KCND2: variants seen among roughly 807,000 people sequenced by gnomAD.
The protein encoded by KCND2 is potassium voltage-gated channel subfamily D member 2.
In KCND2, 16 loss-of-function variants were observed where a neutral mutation model predicts 54.4. The observed-to-expected ratio is 0.29, with a 90% confidence interval of 0.20 to 0.45. KCND2 has a LOEUF of 0.45. Ranked by LOEUF, KCND2 falls within the 20% of genes least tolerant of loss-of-function variation. KCND2 has a pLI of 1.00. For synonymous variants in KCND2, 317 were observed against 310.7 expected (o/e 1.02, Z -0.21); for missense variants, 486 against 824.2 (o/e 0.59, Z 5.02).
At chr7:120,615,962 T>C (rs905064861) in intron 1 of KCND2, among the ~76,000 whole-genome samples, 14 of 152,216 alleles carry the variant, frequency 9.2e-5, no homozygotes, top group African/African-American at 3.4e-4. Flanking sequence ...GGTTTTGAAA[T>C]GTCCCTCAGC....
chr7:120,729,642 C>T (rs1792780394), intron 1 of KCND2, among the ~76,000 whole-genome samples: 1 of 152,194 alleles, frequency 6.6e-6, no homozygotes, highest in Non-Finnish European at 1.5e-5. Context: ...AACTCTGTGT[C>T]TCTACCCAAG....
At chr7:120,288,323 CT>C (rs1799378917) in intron 1 of KCND2, among the ~76,000 whole-genome samples, 8 of 152,028 alleles carry the variant, frequency 5.3e-5, no homozygotes. Context: ...GTTTTTTCTC[CT>C]TTTACTCTTT....
chr7:120,474,627 G>A (rs1802507896), intron 1 of KCND2, among the ~76,000 whole-genome samples: 1 of 151,416 alleles, frequency 6.6e-6, no homozygotes. Context: ...GCCTCCCAAA[G>A]TGCTGGGATT....
chr7:120,399,667 C>A (rs992436457), intron 1 of KCND2, among the ~76,000 whole-genome samples: 1 of 151,494 alleles, frequency 6.6e-6, no homozygotes. Flanking sequence ...ATATATTTAT[C>A]CAATAATTTA....
intron 1 of KCND2, among the ~76,000 whole-genome samples, chr7:120,295,743 C>A (rs906958436): frequency 4.0e-5 from 6 of 151,888 alleles, no homozygotes; most frequent in Non-Finnish European, 8.8e-5. Context: ...CTAATTTATG[C>A]CTTACAGAAA....
intron 1 of KCND2, among the ~76,000 whole-genome samples, chr7:120,307,878 A>G (rs1328883423): frequency 3.3e-5 from 5 of 152,166 alleles, no homozygotes; most frequent in African/African-American, 9.6e-5. Flanking sequence ...TATTGAACAG[A>G]TAATAGGAAA....
chr7:120,426,443 T>A (rs1156553820), intron 1 of KCND2, among the ~76,000 whole-genome samples: 1 of 152,170 alleles, frequency 6.6e-6, no homozygotes, highest in South Asian at 2.1e-4. Context: ...TAATTTGGAT[T>A]TGACTCTTAA....
At chr7:120,710,705 A>C (rs1265881874) in intron 1 of KCND2, among the ~76,000 whole-genome samples, 3 of 152,160 alleles carry the variant, frequency 2.0e-5, no homozygotes, top group Non-Finnish European at 4.4e-5. Context: ...TATAAAAAAA[A>C]ATTAAACAAG....
intron 1 of KCND2, among the ~76,000 whole-genome samples, chr7:120,672,384 GT>G (rs1449637427): frequency 1.5e-4 from 23 of 152,054 alleles, no homozygotes; most frequent in Admixed American, 1.3e-4. Flanking sequence ...ATGGATATAT[GT>G]CAGACATGTT....
At chr7:120,309,563 A>G (rs1799704536) in intron 1 of KCND2, among the ~76,000 whole-genome samples, 1 of 150,672 alleles carries the variant, frequency 6.6e-6, no homozygotes, top group South Asian at 2.1e-4. Context: ...ACACACACAC[A>G]CACATATATA....
intron 1 of KCND2, among the ~76,000 whole-genome samples, chr7:120,656,789 T>C (rs1791808713): frequency 1.3e-5 from 2 of 152,214 alleles, no homozygotes; most frequent in African/African-American, 4.8e-5. Flanking sequence ...GCAAAATTAT[T>C]ATTCCCCTCA....
intron 1 of KCND2, among the ~76,000 whole-genome samples, chr7:120,472,437 A>G (rs576519174): frequency 2.0e-5 from 3 of 152,216 alleles, no homozygotes; most frequent in African/African-American, 7.2e-5. Context: ...GGGCTTCCGA[A>G]TAACATTGTT....
intron 1 of KCND2, among the ~76,000 whole-genome samples, chr7:120,492,461 C>T (rs1401566478): frequency 6.6e-6 from 1 of 151,786 alleles, no homozygotes; most frequent in African/African-American, 2.4e-5. Context: ...TTTTAAATAC[C>T]ATAAGCTGGG....
intron 1 of KCND2, among the ~76,000 whole-genome samples, chr7:120,401,035 G>A (rs1239801129): frequency 2.0e-5 from 3 of 151,968 alleles, no homozygotes; most frequent in Admixed American, 1.3e-4. Context: ...GTGCCTCTTA[G>A]ATTTGTGAGG....
At chr7:120,355,805 T>C (rs561199058) in intron 1 of KCND2, among the ~76,000 whole-genome samples, 4 of 152,338 alleles carry the variant, frequency 2.6e-5, no homozygotes, top group African/African-American at 9.6e-5. Context: ...AGGAAATTCA[T>C]GCAACAGAAA....
At chr7:120,633,433 A>G (rs1273489388) in intron 1 of KCND2, among the ~76,000 whole-genome samples, 4 of 152,250 alleles carry the variant, frequency 2.6e-5, no homozygotes, top group Non-Finnish European at 5.9e-5. Flanking sequence ...TAAGGCCAGC[A>G]TTTAGTGGAT....
chr7:120,737,077 AAC>A (rs1401887595), intron 2 of KCND2, among the ~76,000 whole-genome samples: 1 of 124,764 alleles, frequency 8.0e-6, no homozygotes, highest in African/African-American at 3.1e-5. Flanking sequence ...CACACACACA[AAC>A]AAAAAAAAAA....
intron 1 of KCND2, among the ~76,000 whole-genome samples, chr7:120,445,672 T>C (rs938381632): frequency 2.0e-5 from 3 of 152,146 alleles, no homozygotes; most frequent in African/African-American, 7.2e-5. Flanking sequence ...ATAGAGATTT[T>C]ATTGGAAGAA....
intron 1 of KCND2, among the ~76,000 whole-genome samples, chr7:120,402,204 C>T (rs907983568): frequency 2.0e-5 from 3 of 152,086 alleles, no homozygotes; most frequent in African/African-American, 7.2e-5. Context: ...TCTGTGCTCC[C>T]ATTTACTCAG....
Sources: gnomAD v4.1 joint callset for allele counts (sites outside exome capture counted in the v4.1 genomes callset) on GRCh38, gnomAD v4.1.1 for gene constraint, MANE v1.5 for transcripts, NCBI Gene and HGNC (gene_info 2026-07-23, HGNC 2026-07-21) for gene names.